MYH15: variants seen among roughly 807,000 people sequenced by gnomAD.
MYH15 encodes the protein myosin-15.
In MYH15, 227 loss-of-function variants were observed where a neutral mutation model predicts 240.5. That is an observed-to-expected ratio of 0.94 (90% confidence interval 0.85 to 1.05). The LOEUF is 1.05. MYH15 is among the 50% of genes least tolerant of loss of function. The pLI is 0.00. For synonymous variants in MYH15, 785 were observed against 796.7 expected, an observed-to-expected ratio of 0.99 and a Z score of 0.25; for missense variants, 2,217 against 2,247.5, an observed-to-expected ratio of 0.99 and a Z score of 0.27.
At chr3:108,434,021 A>G (rs1402222802) in intron 25 of MYH15, among the ~76,000 whole-genome samples, 1 of 152,094 alleles carries the variant, frequency 6.6e-6, no homozygotes, top group Admixed American at 6.6e-5. Flanking sequence ...AGAATATCAC[A>G]TACATTTGCA....
At chr3:108,542,707 C>T in the MYH15 span, among the ~76,000 whole-genome samples, 1 of 152,102 alleles carries the variant, frequency 6.6e-6, no homozygotes, top group Non-Finnish European at 1.5e-5. Context: ...TTGCCCCCCA[C>T]TCCTCCCCAC....
At position 108,416,950 on chromosome 3, in the gene MYH15, A is replaced by C; in HGVS notation, c.3830-20T>G. On this transcript the variant is annotated intron_variant, in intron 28 of 40. Coordinates refer to ENST00000693548, the MANE Select transcript of MYH15 (RefSeq NM_014981.3). ...ACTCGCCTACAGAAAGATTTCACAAAACTACATAATTACAGTCTTCCTATC... is the reference window on the plus strand; with the variant it reads ...ACTCGCCTACAGAAAGATTTCACAACACTACATAATTACAGTCTTCCTATC... The C allele has an allele frequency of 6.4e-7, 1 of 1,567,136 alleles. No individual in the cohort carries two copies. The highest frequency in any genetic ancestry group is 8.8e-7 in the Non-Finnish European group (1 of 1,138,590).
In MYH15 at chr3:108,398,727, C is replaced by T. The variant is rs760232088; in HGVS notation, c.5043G>A (p.Arg1681=). 5.6e-6 allele frequency: 9 copies of T among 1,614,184 alleles called. 1 individual carries two copies. The South Asian group carries it at 8.8e-5, about 16-fold the overall frequency. Reference sequence around the variant, plus strand: ...CACGCTCTGTCTGCTCTTGCAGGGACCTTAGATCCTCTAGTTCAGACTGAA... The same window carrying T: ...CACGCTCTGTCTGCTCTTGCAGGGATCTTAGATCCTCTAGTTCAGACTGAA... ...SLLQSELEDL[R]SLQEQTERGR... is the part of the protein sequence containing the mutation. The change falls in exon 35 of 41, where the codon AGG becomes AGA. Residue 1681 remains arginine (R), a synonymous_variant. Coordinates refer to ENST00000693548, the MANE Select transcript of MYH15 (RefSeq NM_014981.3).
chr3:108,406,550 C>T (rs1167413712), intron 32 of MYH15, among the ~76,000 whole-genome samples: 3 of 152,192 alleles, frequency 2.0e-5, no homozygotes, highest in African/African-American at 4.8e-5. Flanking sequence ...ACTGTCACCT[C>T]TAACCCTCTA....
intron 12 of MYH15, among the ~76,000 whole-genome samples, chr3:108,475,140 A>G (rs960662052): frequency 6.6e-5 from 10 of 152,192 alleles, no homozygotes; most frequent in African/African-American, 2.4e-4. Flanking sequence ...ATCATATATA[A>G]GATGACTGTC....
chr3:108,504,003 A>T (rs1188691891), intron 2 of MYH15, among the ~76,000 whole-genome samples: 1 of 152,240 alleles, frequency 6.6e-6, no homozygotes, highest in Non-Finnish European at 1.5e-5. Context: ...TGACAATGTG[A>T]GTGAACCTCA....
At chr3:108,463,371 G>T in intron 15 of MYH15, 128 bp from the exon 16 acceptor site, 1 of 1,008,426 alleles carries the variant, frequency 9.9e-7, no homozygotes, top group Non-Finnish European at 1.4e-6. Flanking sequence ...CTAGAATGCA[G>T]TGGCATAGTC....
At chr3:108,482,451 C>T (rs151289948) in intron 11 of MYH15, among the ~76,000 whole-genome samples, 258 of 152,232 alleles carry the variant, frequency 1.7e-3, no homozygotes, top group African/African-American at 5.9e-3. Flanking sequence ...ATTTCATTTG[C>T]TCATCTGTGT....
intron 24 of MYH15, 101 bp downstream of exon 24, chr3:108,439,636 T>C (rs367870130): frequency 6.0e-5 from 65 of 1,085,792 alleles, no homozygotes; most frequent in Non-Finnish European, 7.5e-5. Flanking sequence ...ACTATGCTAC[T>C]AGGTTTTTCT....
At chr3:108,508,492 G>A (rs192209355) in intron 1 of MYH15, among the ~76,000 whole-genome samples, 125 of 152,208 alleles carry the variant, frequency 8.2e-4, no homozygotes, top group African/African-American at 2.6e-3. Context: ...TTTGGCCTTC[G>A]TATTCTCATC....
At chr3:108,463,574 A>G (rs923623038) in intron 15 of MYH15, among the ~76,000 whole-genome samples, 2 of 152,076 alleles carry the variant, frequency 1.3e-5, no homozygotes, top group Non-Finnish European at 1.5e-5. Flanking sequence ...GGCTCAAGCA[A>G]TCCACCCATC....
intron 9 of MYH15, 31 bp downstream of exon 9, chr3:108,492,469 A>G (rs753310796): frequency 4.0e-6 from 6 of 1,494,962 alleles, no homozygotes; most frequent in Non-Finnish European, 5.5e-6. Context: ...TTGTTTTGGA[A>G]TAACCCTAAG....
chr3:108,519,301 G>T (rs1377617970), intron 1 of MYH15, among the ~76,000 whole-genome samples: 2 of 152,182 alleles, frequency 1.3e-5, no homozygotes, highest in Non-Finnish European at 2.9e-5. Flanking sequence ...GGTAAGGAAA[G>T]ATTTAAATAA....
At chr3:108,492,666 G>A in intron 8 of MYH15, 71 bp from the exon 9 acceptor site, 1 of 1,143,244 alleles carries the variant, frequency 8.7e-7, no homozygotes, top group Non-Finnish European at 1.3e-6. Flanking sequence ...AAGTAATCAG[G>A]CTGAGCGCAG....
At chr3:108,524,749 G>A (rs1376858337) in intron 1 of MYH15, among the ~76,000 whole-genome samples, 2 of 151,940 alleles carry the variant, frequency 1.3e-5, no homozygotes, top group African/African-American at 2.4e-5. Flanking sequence ...ACTTAAATAC[G>A]GCAGAAGTTT....
chr3:108,397,443 G>A (rs2082470396), intron 35 of MYH15, among the ~76,000 whole-genome samples: 1 of 152,194 alleles, frequency 6.6e-6, no homozygotes, highest in African/African-American at 2.4e-5. Flanking sequence ...GATTGTCAAA[G>A]AAGGCTTTCT....
At chr3:108,522,416 T>G (rs2083627237) in intron 1 of MYH15, among the ~76,000 whole-genome samples, 1 of 152,028 alleles carries the variant, frequency 6.6e-6, no homozygotes, top group East Asian at 1.9e-4. Flanking sequence ...GAACAGAGAA[T>G]AAGGATCAAA....
rs1458351858 is a variant in MYH15 at position 108,493,045 on chromosome 3, G to GGAAGGAAA, written c.775+68_775+69insTTTCCTTC. The GGAAGGAAA allele has an allele frequency of 1.1e-4, 138 of 1,262,930 alleles. 1 individual carries two copies. The African/African-American group carries it at 1.9e-3, about 17-fold the overall frequency. 78.2% of individuals were successfully genotyped at this position (1,262,930 alleles called of 1,614,324 possible). A position where few individuals can be genotyped will look rare whatever the true frequency, so the allele number is the denominator to read the frequency against. ...GAAAAGGAAGGAAGGAAGGAAGGAA[G>GGAAGGAAA]GAAAGAGAAGGGAAGGGAAGGAAGG... On this transcript the variant is annotated intron_variant, in intron 8 of 40. Coordinates refer to ENST00000693548, the MANE Select transcript of MYH15 (RefSeq NM_014981.3).
chr3:108,434,571 A>AATAAT (rs1553766791), intron 25 of MYH15, among the ~76,000 whole-genome samples: 151,924 of 152,142 alleles, frequency 1, 75,853 homozygotes, highest in Middle Eastern at 1. Context: ...ATATTAATTC[A>AATAAT]ATATTTTTCT....
Sources: allele counts gnomAD v4.1 joint callset (sites outside exome capture counted in the v4.1 genomes callset), GRCh38; gene constraint gnomAD v4.1.1; transcripts MANE v1.5; gene names NCBI Gene and HGNC (gene_info 2026-07-23, HGNC 2026-07-21).